The following STK32A variants were observed in gnomAD, a reference collection of about 807,000 sequenced individuals.
The protein encoded by STK32A is serine/threonine-protein kinase 32A.
A neutral mutation model predicts 53.2 loss-of-function variants in STK32A; 41 were observed. That is an observed-to-expected ratio of 0.77 (90% CI 0.60 to 1.00). The LOEUF (loss-of-function observed/expected upper bound fraction) is 1.00, where lower values mean the gene tolerates loss of function less well. Among genes scored for constraint, STK32A ranks in the 50% least tolerant of loss-of-function variants. The pLI is 0.00. For missense variants in STK32A, 458 were observed against 485.8 expected (o/e 0.94, Z 0.54); for synonymous variants, 166 against 162.8 (o/e 1.02, Z -0.15).
chr5:147,358,167 T>C (rs1250598749), intron 7 of STK32A, among the ~76,000 whole-genome samples: 1 of 152,062 alleles, frequency 6.6e-6, no homozygotes, highest in Non-Finnish European at 1.5e-5. Context: ...ATCCAAATAT[T>C]TAATAAATAT....
intron 4 of STK32A, among the ~76,000 whole-genome samples, chr5:147,295,820 A>T (rs1752840428): frequency 6.6e-6 from 1 of 151,700 alleles, no homozygotes; most frequent in Admixed American, 6.6e-5. Flanking sequence ...TTCTAAAGGG[A>T]TGACTCTTAG....
chr5:147,376,892 C>A (rs1016004537), intron 11 of STK32A, among the ~76,000 whole-genome samples: 1 of 152,066 alleles, frequency 6.6e-6, no homozygotes, highest in African/African-American at 2.4e-5. Flanking sequence ...ATAGTTTCTC[C>A]CTTAGTCATT....
chr5:147,374,719 G>C (rs1757156650), intron 10 of STK32A, among the ~76,000 whole-genome samples: 1 of 152,158 alleles, frequency 6.6e-6, no homozygotes, highest in Admixed American at 6.5e-5. Flanking sequence ...CTCACATTCT[G>C]AAATTCTGAT....
intron 2 of STK32A, among the ~76,000 whole-genome samples, chr5:147,263,108 A>G (rs6891682): frequency 0.3 from 45,076 of 152,028 alleles, 7,056 homozygotes; most frequent in African/African-American, 0.36. Context: ...GGGATCGGGT[A>G]GATAAATGCA....
intron 2 of STK32A, among the ~76,000 whole-genome samples, chr5:147,244,548 C>A (rs111302085): frequency 0.013 from 1,961 of 152,270 alleles, 18 homozygotes; most frequent in Non-Finnish European, 0.02. Context: ...AGGTTCAAGT[C>A]TCAGCTGTGC....
chr5:147,302,727 A>G (rs1182008521), intron 4 of STK32A, among the ~76,000 whole-genome samples: 2 of 152,182 alleles, frequency 1.3e-5, no homozygotes, highest in Non-Finnish European at 2.9e-5. Flanking sequence ...ATAATCTAAG[A>G]TGCAGAATTG....
At chr5:147,329,754 C>T (rs1439292075) in intron 5 of STK32A, among the ~76,000 whole-genome samples, 2 of 152,202 alleles carry the variant, frequency 1.3e-5, no homozygotes, top group Non-Finnish European at 2.9e-5. Context: ...TGTCTCCCCT[C>T]TCCAATCTTA....
At chr5:147,288,632 G>C (rs1352349954) in intron 4 of STK32A, among the ~76,000 whole-genome samples, 1 of 152,036 alleles carries the variant, frequency 6.6e-6, no homozygotes, top group African/African-American at 2.4e-5. Context: ...GCAAGAGAGA[G>C]GAGGAGAGAG....
intron 4 of STK32A, among the ~76,000 whole-genome samples, chr5:147,290,519 C>T (rs1284146164): frequency 6.6e-6 from 1 of 152,138 alleles, no homozygotes; most frequent in Non-Finnish European, 1.5e-5. Flanking sequence ...CCAGTCTTTC[C>T]CAGCATAGTT....
At chr5:147,258,641 A>G (rs1474122768) in intron 2 of STK32A, among the ~76,000 whole-genome samples, 1 of 148,594 alleles carries the variant, frequency 6.7e-6, no homozygotes, top group Non-Finnish European at 1.5e-5. Context: ...ATTTTAGGAC[A>G]AGAATTTACT....
intron 2 of STK32A, among the ~76,000 whole-genome samples, chr5:147,277,452 T>G (rs1232879991): frequency 6.6e-6 from 1 of 152,208 alleles, no homozygotes; most frequent in East Asian, 1.9e-4. Context: ...GGATCGACTC[T>G]ACTTCAAAGC....
At chr5:147,381,940 C>T (rs1248917343) in intron 11 of STK32A, among the ~76,000 whole-genome samples, 2 of 152,142 alleles carry the variant, frequency 1.3e-5, no homozygotes, top group African/African-American at 2.4e-5. Flanking sequence ...ACATAAAATA[C>T]ACTAACACTA....
intron 4 of STK32A, among the ~76,000 whole-genome samples, chr5:147,288,812 G>C (rs776522063): frequency 3.9e-5 from 6 of 152,054 alleles, no homozygotes; most frequent in African/African-American, 7.2e-5. Flanking sequence ...ATTTGGGTGG[G>C]GATAGAGATG....
At chr5:147,314,493 C>T (rs1249456330) in intron 4 of STK32A, among the ~76,000 whole-genome samples, 4 of 79,582 alleles carry the variant, frequency 5.0e-5, no homozygotes, top group African/African-American at 2.3e-4. Flanking sequence ...AGCGAAACTC[C>T]ATATCAAAAA....
In STK32A at chr5:147,383,987, C is replaced by A. The variant is rs926665851; in HGVS notation, c.*4C>A. 1 of 1,598,198 alleles carries A rather than the reference C, an allele frequency of 6.3e-7. No individual in the cohort carries two copies. The highest frequency in any genetic ancestry group is 8.5e-7 in the Non-Finnish European group (1 of 1,175,136). On this transcript the variant is annotated 3_prime_UTR_variant, in exon 13 of 13. Transcript: ENST00000397936. The stretch of plus-strand genomic sequence containing the variant: ...TGGTCAGAATAACAACTTGTAAAGG[C>A]CTCATGTCTTCTTCTTGGGACAATC...
At chr5:147,295,463 T>C (rs1407984659) in intron 4 of STK32A, among the ~76,000 whole-genome samples, 3 of 152,228 alleles carry the variant, frequency 2.0e-5, no homozygotes, top group Admixed American at 6.5e-5. Context: ...AACAGAGATA[T>C]TTTGCTGATC....
chr5:147,251,631 A>G (rs768300001), intron 2 of STK32A, among the ~76,000 whole-genome samples: 4 of 152,244 alleles, frequency 2.6e-5, no homozygotes, highest in Non-Finnish European at 4.4e-5. Context: ...GCAAGAATAC[A>G]TCAAACACCC....
intron 11 of STK32A, 186 bp from the exon 12 acceptor site, chr5:147,383,255 T>G (rs1157321811): frequency 9.7e-6 from 6 of 621,218 alleles, no homozygotes; most frequent in South Asian, 2.1e-5. Context: ...GGAGACAGAT[T>G]CCTGGTGCTT....
At chr5:147,259,360 A>T (rs578059412) in intron 2 of STK32A, among the ~76,000 whole-genome samples, 2 of 152,252 alleles carry the variant, frequency 1.3e-5, no homozygotes, top group Admixed American at 1.3e-4. Flanking sequence ...GATTGAATGT[A>T]TTCGGGCCAT....
Sources: gnomAD v4.1 joint callset for allele counts (sites outside exome capture counted in the v4.1 genomes callset) on GRCh38, gnomAD v4.1.1 for gene constraint, MANE v1.5 for transcripts, NCBI Gene and HGNC (gene_info 2026-07-23, HGNC 2026-07-21) for gene names.